Variants in ANKRD11 observed in about 807,000 individuals in gnomAD.
ANKRD11 encodes ankyrin repeat domain-containing protein 11.
In ANKRD11, 17 loss-of-function variants were observed where a neutral mutation model predicts 195.7. The observed-to-expected ratio is 0.09, with a 90% CI of 0.06 to 0.13. ANKRD11 has a LOEUF of 0.13. ANKRD11 is among the 10% of genes least tolerant of loss of function. The pLI is 1.00. For synonymous variants in ANKRD11, 1,953 were observed against 1,528.1 expected (o/e 1.28, Z -6.49); for missense variants, 3,735 against 3,566.1 (o/e 1.05, Z -1.21).
chr16:89,353,444 G>A lies in ANKRD11; in HGVS notation c.-59-36366C>T, dbSNP rs182174898. On this transcript the variant is annotated intron_variant, in intron 2 of 12. Coordinates refer to ENST00000301030, the MANE Select transcript of ANKRD11 (RefSeq NM_013275.6). ...AGAGCTGGAAATACCAGCAGTAAGAGGAACACCAGTCCAAGGCAACTACAA... is the reference window on the plus strand; with the variant it reads ...AGAGCTGGAAATACCAGCAGTAAGAAGAACACCAGTCCAAGGCAACTACAA... 6.6e-5 allele frequency among the ~76,000 whole-genome samples: 10 copies of A among 152,238 alleles called. No homozygotes were observed. In the East Asian group the frequency reaches 1.7e-3, roughly 26 times the overall value.
chr16:89,288,233 C>T, intron 7 of ANKRD11: 1 of 613,756 alleles, frequency 1.6e-6, no homozygotes, highest in Non-Finnish European at 2.9e-6. Flanking sequence ...AGGCCTCCTT[C>T]CACTTGGTGT....
intron 2 of ANKRD11, among the ~76,000 whole-genome samples, chr16:89,364,520 G>A (rs1342421411): frequency 2.6e-4 from 39 of 151,944 alleles, no homozygotes; most frequent in Admixed American, 2.4e-3. Context: ...TAACCTATTC[G>A]CCCTCAAAAC....
At chr16:89,417,237 A>C (rs188592663) in intron 2 of ANKRD11, among the ~76,000 whole-genome samples, 175 of 152,336 alleles carry the variant, frequency 1.1e-3, no homozygotes, top group African/African-American at 4.1e-3. Context: ...GAAGCTCCCG[A>C]AAGAAGCTGC....
intron 2 of ANKRD11, among the ~76,000 whole-genome samples, chr16:89,379,025 C>T (rs1008099027): frequency 3.9e-5 from 6 of 152,206 alleles, no homozygotes; most frequent in African/African-American, 2.4e-5. Context: ...GTAGACAAGC[C>T]GGGCTGAGGC....
intron 2 of ANKRD11, among the ~76,000 whole-genome samples, chr16:89,371,601 A>G (rs2040196261): frequency 6.6e-6 from 1 of 152,164 alleles, no homozygotes; most frequent in South Asian, 2.1e-4. Flanking sequence ...CCCACATTCA[A>G]GGGTGCTGTG....
intron 3 of ANKRD11, chr16:89,313,447 C>A: frequency 7.8e-7 from 1 of 1,289,198 alleles, no homozygotes. Context: ...TCTGACACGC[C>A]TGCCACTGTG....
At chr16:89,478,529 C>T (rs1250081694) in intron 1 of ANKRD11, among the ~76,000 whole-genome samples, 1 of 152,078 alleles carries the variant, frequency 6.6e-6, no homozygotes, top group African/African-American at 2.4e-5. Flanking sequence ...CACTGCCCTC[C>T]AAAAAAGCAA....
intron 1 of ANKRD11, among the ~76,000 whole-genome samples, chr16:89,471,197 T>G (rs920754582): frequency 6.6e-6 from 1 of 150,846 alleles, no homozygotes; most frequent in Non-Finnish European, 1.5e-5. Context: ...GTTTTAAAAG[T>G]AAAAAAAAAT....
chr16:89,278,871 C>G (rs992375955), intron 9 of ANKRD11: 1 of 881,694 alleles, frequency 1.1e-6, no homozygotes, highest in African/African-American at 1.7e-5. Flanking sequence ...GGAGGAAGGA[C>G]CTCGGGTCTG....
intron 2 of ANKRD11, among the ~76,000 whole-genome samples, chr16:89,378,156 C>T (rs904035213): frequency 6.6e-6 from 1 of 152,092 alleles, no homozygotes; most frequent in Non-Finnish European, 1.5e-5. Context: ...TTGAGACCAG[C>T]CTGGGCAACA....
At chr16:89,408,425 G>A (rs2041993998) in intron 2 of ANKRD11, among the ~76,000 whole-genome samples, 1 of 152,238 alleles carries the variant, frequency 6.6e-6, no homozygotes, top group Non-Finnish European at 1.5e-5. Context: ...AGGATGGCAG[G>A]TACACAGGCC....
chr16:89,482,033 A>G (rs1022677760), intron 1 of ANKRD11, among the ~76,000 whole-genome samples: 9 of 152,142 alleles, frequency 5.9e-5, no homozygotes, highest in African/African-American at 2.2e-4. Flanking sequence ...TGCAAGCTTT[A>G]GTCAACTAAA....
At chr16:89,278,958 G>T (rs1385646490) in intron 9 of ANKRD11, 114 bp downstream of exon 9, 2 of 1,496,016 alleles carry the variant, frequency 1.3e-6, no homozygotes, top group Non-Finnish European at 9.1e-7. Context: ...GCAGAAGGTC[G>T]AGAGAGGTCA....
intron 2 of ANKRD11, chr16:89,323,170 G>C: frequency 2.1e-6 from 1 of 477,766 alleles, no homozygotes; most frequent in Non-Finnish European, 3.6e-6. Context: ...CGTCAGGAGT[G>C]GTGCCTTGTG....
chr16:89,447,132 C>G (rs1245791368), intron 1 of ANKRD11, among the ~76,000 whole-genome samples: 1 of 152,196 alleles, frequency 6.6e-6, no homozygotes, highest in African/African-American at 2.4e-5. Flanking sequence ...TCCATCGTTC[C>G]AACTACAAAG....
In ANKRD11 at chr16:89,285,009, G is replaced by C; in HGVS notation, c.1533C>G (p.Asp511Glu). 1 of 1,614,034 alleles carries C rather than the reference G, an allele frequency of 6.2e-7. No individual in the cohort carries two copies. The change falls in exon 9 of 13, where the codon GAC becomes GAG. Residue 511 changes from aspartate to glutamate, a missense_variant. Coordinates refer to ENST00000301030, the MANE Select transcript of ANKRD11 (RefSeq NM_013275.6). The surrounding 1 kb of genome is among the most constrained non-coding windows in gnomAD (Gnocchi z 5.6). ...CLKGSPLVLK[D>E]PSLFSSLSAS... ...CAGAGAGGGAGCTGAACAGGGAGGG[G>C]TCCTTCAGCACCAGCGGGGACCCCT... is the stretch of plus-strand genomic sequence containing the variant.
intron 2 of ANKRD11, among the ~76,000 whole-genome samples, chr16:89,406,476 G>A (rs971704006): frequency 4.6e-5 from 7 of 152,202 alleles, no homozygotes; most frequent in Non-Finnish European, 8.8e-5. Flanking sequence ...AGGAGCCACC[G>A]TGCACCGTGA....
intron 7 of ANKRD11, chr16:89,286,599 G>A (rs1697374057): frequency 1.2e-5 from 14 of 1,133,314 alleles, no homozygotes; most frequent in Middle Eastern, 7.9e-4. Context: ...CAGGCAAGAG[G>A]TTAGGGAGAA....
chr16:89,473,893 G>C (rs1456638436), intron 1 of ANKRD11, among the ~76,000 whole-genome samples: 2 of 152,190 alleles, frequency 1.3e-5, no homozygotes, highest in Non-Finnish European at 2.9e-5. Flanking sequence ...TGACTGGGTT[G>C]CATTAGGTGG....
Sources: gnomAD v4.1 joint callset for allele counts (sites outside exome capture counted in the v4.1 genomes callset) on GRCh38, gnomAD v4.1.1 for gene constraint, Gnocchi (gnomAD v3.1) non-coding constraint, MANE v1.5 for transcripts, NCBI Gene and HGNC (gene_info 2026-07-23, HGNC 2026-07-21) for gene names.